The following RIMS1 variants were observed in gnomAD, a reference collection of about 807,000 sequenced individuals.
The protein encoded by RIMS1 is regulating synaptic membrane exocytosis 1.
Under a neutral mutation model 214.1 loss-of-function variants are expected in RIMS1, and 83 were observed. The ratio of observed to expected loss-of-function variants is 0.39; its 90% CI spans 0.32 to 0.47. The LOEUF (loss-of-function observed/expected upper bound fraction) is 0.47, where lower values mean the gene tolerates loss of function less well. Ranked by LOEUF, RIMS1 falls within the 20% of genes least tolerant of loss-of-function variation. The probability of loss-of-function intolerance (pLI) is 0.99; values close to 1 mark genes in which losing one functional copy is unlikely to be tolerated. For missense variants in RIMS1, 2,050 were observed against 2,161.8 expected (o/e 0.95, Z 1.03); for synonymous variants, 793 against 786.8 (o/e 1.01, Z -0.13).
At chr6:72,034,780 C>T (rs374199408) in intron 2 of RIMS1, among the ~76,000 whole-genome samples, 16 of 152,124 alleles carry the variant, frequency 1.1e-4, no homozygotes, top group African/African-American at 2.2e-4. Flanking sequence ...TAAACTGAGA[C>T]GGATCCCAAG....
chr6:71,982,934 T>G (rs1186380150), intron 2 of RIMS1, among the ~76,000 whole-genome samples: 1 of 152,164 alleles, frequency 6.6e-6, no homozygotes, highest in Admixed American at 6.6e-5. Flanking sequence ...TTCTCTGGTC[T>G]AAATGTTTTA....
At chr6:72,013,321 A>G (rs1039848293) in intron 2 of RIMS1, among the ~76,000 whole-genome samples, 2 of 152,230 alleles carry the variant, frequency 1.3e-5, no homozygotes, top group African/African-American at 4.8e-5. Flanking sequence ...TACAGGATTT[A>G]TAATTGAGAA....
At position 72,258,264 on chromosome 6, in the gene RIMS1, A is replaced by T. The variant is rs751514883; in HGVS notation, c.2910A>T (p.Pro970=). 1.9e-6 allele frequency: 3 copies of T among 1,613,334 alleles called. No homozygotes were observed. The highest frequency in any genetic ancestry group is 2.5e-6 in the Non-Finnish European group (3 of 1,179,520). Residue 970 remains proline, a synonymous_variant, in exon 17 of 34, where the codon CCA becomes CCT. Transcript: ENST00000521978. ...NDQGKPRSRL[P]NVPLQRSLDE... is the part of the protein sequence containing the mutation. ...AGGGAAAGCCGCGTTCACGTTTACC[A>T]AATGTGCCATTACAGAGGTAGGCTT...
intron 2 of RIMS1, among the ~76,000 whole-genome samples, chr6:71,970,890 G>A (rs1795683998): frequency 6.6e-6 from 1 of 152,176 alleles, no homozygotes; most frequent in Admixed American, 6.5e-5. Context: ...ACATGGAAAG[G>A]ACAAAAATAA....
chr6:72,179,512 G>A, intron 4 of RIMS1, 63 bp from the exon 5 acceptor site: 1 of 1,214,368 alleles, frequency 8.2e-7, no homozygotes, highest in Non-Finnish European at 1.2e-6. Flanking sequence ...TATATTTTAA[G>A]ATACTGAAAA....
chr6:72,341,176 T>C lies in RIMS1; in HGVS notation c.4366+7341T>C, dbSNP rs1180988318. 2.0e-5 allele frequency among the ~76,000 whole-genome samples: 3 copies of C among 152,014 alleles called. No individual in the cohort carries two copies. The East Asian group carries it at 5.8e-4, about 29-fold the overall frequency. Reference sequence around the variant, plus strand: ...TGAAGTTGTTTACAGCTTAAGGAGATTTTGGGCTGAGACGACGGGGTTTTC... The same window carrying C: ...TGAAGTTGTTTACAGCTTAAGGAGACTTTGGGCTGAGACGACGGGGTTTTC... On this transcript the variant is annotated intron_variant, in intron 29 of 33. Coordinates refer to ENST00000521978, the MANE Select transcript of RIMS1 (RefSeq NM_014989.7).
chr6:72,317,538 G>A (rs190872047), intron 28 of RIMS1: 3 of 160,992 alleles, frequency 1.9e-5, no homozygotes, highest in Admixed American at 6.4e-5. Context: ...TTTAAGTTGT[G>A]ATAACAAATA....
intron 26 of RIMS1, among the ~76,000 whole-genome samples, chr6:72,303,351 T>C (rs1165635882): frequency 1.3e-5 from 2 of 150,928 alleles, no homozygotes; most frequent in East Asian, 3.9e-4. Context: ...GATTATAAAA[T>C]GATTTTAGTT....
chr6:72,282,355 G>A (rs1252230784), intron 23 of RIMS1, among the ~76,000 whole-genome samples: 1 of 151,872 alleles, frequency 6.6e-6, no homozygotes, highest in East Asian at 1.9e-4. Context: ...ATGTCTCATT[G>A]ATTTCAGCCA....
intron 32 of RIMS1, among the ~76,000 whole-genome samples, chr6:72,398,751 A>G (rs1242269550): frequency 6.6e-6 from 1 of 152,184 alleles, no homozygotes; most frequent in African/African-American, 2.4e-5. Flanking sequence ...GTATACATTG[A>G]GTCAAAATGA....
In RIMS1 at chr6:72,213,572, T is replaced by C. The variant is rs79595799; in HGVS notation, c.1679-20201T>C. 3.1e-4 allele frequency among the ~76,000 whole-genome samples: 47 copies of C among 152,260 alleles called. No homozygotes were observed. The East Asian group carries it at 9.1e-3, about 29-fold the overall frequency. On this transcript the variant is annotated intron_variant, in intron 6 of 33. Transcript: ENST00000521978. ...AAATAGCAGGCTACCTAATTGTGCA[T>C]GGGTTTTTTTTTCTGTAAATGTGTT...
chr6:72,015,364 T>C (rs935715041), intron 2 of RIMS1, among the ~76,000 whole-genome samples: 1 of 152,196 alleles, frequency 6.6e-6, no homozygotes, highest in African/African-American at 2.4e-5. Context: ...ACTGATTTTT[T>C]GTATATTGAT....
At chr6:72,248,183 T>A in intron 12 of RIMS1, 56 bp downstream of exon 12, 1 of 1,066,912 alleles carries the variant, frequency 9.4e-7, no homozygotes, top group Non-Finnish European at 1.4e-6. Flanking sequence ...ACTGTCTGAG[T>A]CTGTCTTTAA....
At chr6:72,204,623 T>G (rs2052594792) in intron 6 of RIMS1, among the ~76,000 whole-genome samples, 1 of 152,220 alleles carries the variant, frequency 6.6e-6, no homozygotes, top group Non-Finnish European at 1.5e-5. Context: ...ATTTTATTCT[T>G]AATGTTTGCA....
chr6:71,963,689 A>T (rs1169395392), intron 1 of RIMS1, among the ~76,000 whole-genome samples: 1 of 152,192 alleles, frequency 6.6e-6, no homozygotes, highest in African/African-American at 2.4e-5. Flanking sequence ...ACGTTACTCA[A>T]ACCATATGAA....
chr6:71,977,218 C>T (rs967895713), intron 2 of RIMS1, among the ~76,000 whole-genome samples: 1 of 152,168 alleles, frequency 6.6e-6, no homozygotes, highest in Non-Finnish European at 1.5e-5. Context: ...GTTTTGGGAG[C>T]TCTTGCACCC....
intron 26 of RIMS1, among the ~76,000 whole-genome samples, chr6:72,304,663 T>G (rs1055087657): frequency 1.3e-5 from 2 of 151,774 alleles, no homozygotes; most frequent in Admixed American, 6.6e-5. Context: ...ACACTGAAGG[T>G]TTTTCAGCGA....
At chr6:72,193,863 G>C (rs1386524623) in intron 6 of RIMS1, among the ~76,000 whole-genome samples, 2 of 151,986 alleles carry the variant, frequency 1.3e-5, no homozygotes, top group East Asian at 3.9e-4. Context: ...ACAAAGAAAA[G>C]GGAAAAGAAA....
chr6:72,009,814 T>C (rs1017900407), intron 2 of RIMS1, among the ~76,000 whole-genome samples: 3 of 152,184 alleles, frequency 2.0e-5, no homozygotes, highest in African/African-American at 7.2e-5. Flanking sequence ...TAACAGGCTC[T>C]GAAATTGAGG....
Sources: gnomAD v4.1 joint callset for allele counts (sites outside exome capture counted in the v4.1 genomes callset) on GRCh38, gnomAD v4.1.1 for gene constraint, MANE v1.5 for transcripts, NCBI Gene and HGNC (gene_info 2026-07-23, HGNC 2026-07-21) for gene names.